The following ROBO1 variants were observed in gnomAD, a reference collection of about 807,000 sequenced individuals.
ROBO1 encodes the protein roundabout homolog 1.
In ROBO1, 149 loss-of-function variants were observed where a neutral mutation model predicts 195.9. The ratio of observed to expected loss-of-function variants is 0.76; its 90% CI spans 0.67 to 0.87. The LOEUF (loss-of-function observed/expected upper bound fraction) is 0.87. Among genes scored for constraint, ROBO1 ranks in the 40% least tolerant of loss-of-function variants. The pLI is 0.00. For missense variants in ROBO1, 1,933 were observed against 2,068.3 expected, an observed-to-expected ratio of 0.93 and a Z score of 1.27; for synonymous variants, 816 against 733.2, an observed-to-expected ratio of 1.11 and a Z score of -1.82.
At chr3:78,954,501 T>C (rs2040942859) in intron 3 of ROBO1, among the ~76,000 whole-genome samples, 1 of 152,018 alleles carries the variant, frequency 6.6e-6, no homozygotes, top group Non-Finnish European at 1.5e-5. Flanking sequence ...ACAACAAATA[T>C]AACATAATAT....
At chr3:78,749,593 T>C (rs1209237224) in intron 4 of ROBO1, among the ~76,000 whole-genome samples, 1 of 152,160 alleles carries the variant, frequency 6.6e-6, no homozygotes, top group Non-Finnish European at 1.5e-5. Context: ...TTCTTATACT[T>C]ATCCCAAAGA....
chr3:79,581,576 T>C (rs1404806366), intron 2 of ROBO1, among the ~76,000 whole-genome samples: 1 of 152,142 alleles, frequency 6.6e-6, no homozygotes, highest in Non-Finnish European at 1.5e-5. Flanking sequence ...GCAATTTCTC[T>C]AGTTATTAAG....
At chr3:79,181,909 G>C (rs2081347443) in intron 2 of ROBO1, among the ~76,000 whole-genome samples, 2 of 137,362 alleles carry the variant, frequency 1.5e-5, no homozygotes, top group Non-Finnish European at 3.1e-5. Context: ...CTGGGAGAAA[G>C]AGCGAGATCT....
chr3:78,647,261 A>T (rs1200233199), intron 20 of ROBO1, among the ~76,000 whole-genome samples: 9 of 152,000 alleles, frequency 5.9e-5, no homozygotes. Flanking sequence ...AGGGAGAGAA[A>T]TTTTTGTTGG....
intron 2 of ROBO1, among the ~76,000 whole-genome samples, chr3:79,192,719 G>C (rs551947857): frequency 1.3e-5 from 2 of 151,542 alleles, no homozygotes; most frequent in Non-Finnish European, 3.0e-5. Context: ...GTAGAAGTAG[G>C]AATCTGCTGA....
intron 2 of ROBO1, among the ~76,000 whole-genome samples, chr3:79,127,187 G>A (rs1286683674): frequency 6.6e-6 from 1 of 152,082 alleles, no homozygotes; most frequent in Non-Finnish European, 1.5e-5. Flanking sequence ...CTTATTACAC[G>A]CACACGTTGT....
At chr3:79,682,023 A>T (rs6768880) in intron 1 of ROBO1, among the ~76,000 whole-genome samples, 48,520 of 151,770 alleles carry the variant, frequency 0.32, 9,668 homozygotes, top group African/African-American at 0.57. Context: ...AGAACATAGA[A>T]CAATCAAGCA....
At chr3:79,343,393 T>C (rs2034986603) in intron 2 of ROBO1, among the ~76,000 whole-genome samples, 1 of 152,146 alleles carries the variant, frequency 6.6e-6, no homozygotes, top group South Asian at 2.1e-4. Flanking sequence ...GTATGTTTAG[T>C]TTTGTAAGAA....
chr3:79,013,821 T>A (rs141615273), intron 3 of ROBO1, among the ~76,000 whole-genome samples: 1 of 152,286 alleles, frequency 6.6e-6, no homozygotes, highest in Non-Finnish European at 1.5e-5. Context: ...AAAGTGATAG[T>A]CCTAGCTTCA....
At chr3:79,536,294 T>C (rs1211219112) in intron 2 of ROBO1, among the ~76,000 whole-genome samples, 1 of 152,112 alleles carries the variant, frequency 6.6e-6, no homozygotes, top group Non-Finnish European at 1.5e-5. Context: ...ACACACATGA[T>C]CACATATACA....
chr3:79,650,174 AC>A lies in ROBO1; in HGVS notation c.-50-60214del, dbSNP rs376999886. The stretch of plus-strand genomic sequence containing the variant: ...TTCTCTGAAAAGTCCAATAAAAACT[AC>A]AAATCTCTGACAAACTGATTAAGAA... On this transcript the variant is annotated intron_variant, in intron 1 of 30. Coordinates refer to ENST00000464233, the MANE Select transcript of ROBO1 (RefSeq NM_002941.4). Among the ~76,000 whole-genome samples the A allele has an allele frequency of 1.1e-3, 174 of 152,108 alleles. 1 individual carries two copies. The highest frequency in any genetic ancestry group is 2.7e-3 in the South Asian group (13 of 4,828).
chr3:78,895,725 T>C (rs1299292765), intron 4 of ROBO1, among the ~76,000 whole-genome samples: 1 of 152,232 alleles, frequency 6.6e-6, no homozygotes, highest in Non-Finnish European at 1.5e-5. Context: ...GTGGTTGTGT[T>C]GTGGTTGTCA....
chr3:79,072,688 T>C (rs569190775), intron 3 of ROBO1, among the ~76,000 whole-genome samples: 1 of 152,098 alleles, frequency 6.6e-6, no homozygotes, highest in Middle Eastern at 3.4e-3. Flanking sequence ...GGATAAAATT[T>C]TTATGTACTG....
At chr3:79,183,673 C>A (rs1014380956) in intron 2 of ROBO1, among the ~76,000 whole-genome samples, 2 of 152,166 alleles carry the variant, frequency 1.3e-5, no homozygotes, top group Non-Finnish European at 2.9e-5. Flanking sequence ...CAAGAAAGGA[C>A]CTGCTTAAGG....
intron 3 of ROBO1, among the ~76,000 whole-genome samples, chr3:79,028,011 CAAAGT>C (rs1289054040): frequency 6.6e-6 from 1 of 151,950 alleles, no homozygotes; most frequent in African/African-American, 2.4e-5. Context: ...GTTTTAATTA[CAAAGT>C]AAAATATTGT....
At chr3:78,673,560 TTTTATATATATATATATATATA>T (rs1708200597) in intron 10 of ROBO1, among the ~76,000 whole-genome samples, 1 of 74,604 alleles carries the variant, frequency 1.3e-5, no homozygotes, top group Non-Finnish European at 2.5e-5. Context: ...GTTACATATA[TTTTATATATATATATATATATA>T]TATATATATA....
At chr3:79,166,492 C>T (rs1289751519) in intron 2 of ROBO1, among the ~76,000 whole-genome samples, 1 of 151,398 alleles carries the variant, frequency 6.6e-6, no homozygotes, top group African/African-American at 2.4e-5. Context: ...ATTATGTGAT[C>T]AACAACTTTC....
At chr3:79,516,210 A>G (rs957141717) in intron 2 of ROBO1, among the ~76,000 whole-genome samples, 2 of 152,224 alleles carry the variant, frequency 1.3e-5, no homozygotes, top group East Asian at 3.8e-4. Context: ...TATAATTAAA[A>G]TAATTCAAAA....
intron 2 of ROBO1, among the ~76,000 whole-genome samples, chr3:79,504,498 A>T (rs1940285170): frequency 1.3e-5 from 2 of 152,108 alleles, no homozygotes; most frequent in African/African-American, 4.8e-5. Context: ...ATTGAAAGAT[A>T]TATTTTTTAA....
Sources: gnomAD v4.1 joint callset for allele counts (sites outside exome capture counted in the v4.1 genomes callset) on GRCh38, gnomAD v4.1.1 for gene constraint, MANE v1.5 for transcripts, NCBI Gene and HGNC (gene_info 2026-07-23, HGNC 2026-07-21) for gene names.